SVIL: variants seen among roughly 807,000 people sequenced by gnomAD.
SVIL encodes the protein archvillin.
In SVIL, 101 loss-of-function variants were observed where a neutral mutation model predicts 240.4. That is an observed-to-expected ratio of 0.42 (90% CI 0.36 to 0.50). The LOEUF is 0.50. Among genes scored for constraint, SVIL ranks in the 20% least tolerant of loss-of-function variants. The pLI, the probability that SVIL is intolerant of heterozygous loss-of-function variation, is 0.01. For synonymous variants in SVIL, 999 were observed against 1,100.0 expected (o/e 0.91, Z 1.82); for missense variants, 2,512 against 2,818.7 (o/e 0.89, Z 2.46).
At chr10:29,538,079 C>A (rs1017308035) in intron 6 of SVIL, among the ~76,000 whole-genome samples, 17 of 152,166 alleles carry the variant, frequency 1.1e-4, no homozygotes, top group African/African-American at 4.1e-4. Context: ...CCAGCAGACG[C>A]CTGCTGTTGG....
At position 29,524,466 on chromosome 10, in the gene SVIL, A is replaced by G; in HGVS notation, c.2586+6T>C. 1.2e-6 allele frequency: 2 copies of G among 1,613,952 alleles called. No individual in the cohort carries two copies. Among genetic ancestry groups the G allele is most frequent in the Non-Finnish European group, 1.7e-6 (2 of 1,179,950 alleles). On this transcript the variant is annotated splice_donor_region_variant and intron_variant, in intron 14 of 37. Coordinates refer to ENST00000355867, the MANE Select transcript of SVIL (RefSeq NM_021738.3). ...ACAAACTGCAATCGGACTATAGCACACCCACCTGCTCCACCTCTCCCAGTG... is the reference window on the plus strand; with the variant it reads ...ACAAACTGCAATCGGACTATAGCACGCCCACCTGCTCCACCTCTCCCAGTG...
intron 1 of SVIL, among the ~76,000 whole-genome samples, chr10:29,706,581 A>T (rs983952806): frequency 3.3e-5 from 5 of 152,220 alleles, no homozygotes; most frequent in African/African-American, 1.2e-4. Context: ...GATTGCAAAA[A>T]GTTTCTCCCA....
intron 29 of SVIL, among the ~76,000 whole-genome samples, chr10:29,478,251 G>A (rs553035401): frequency 1.3e-5 from 2 of 152,310 alleles, no homozygotes; most frequent in South Asian, 4.1e-4. Context: ...GTAAGTCCAC[G>A]ACAGTGACTC....
intron 17 of SVIL, among the ~76,000 whole-genome samples, chr10:29,502,029 G>A (rs1330549527): frequency 1.3e-5 from 2 of 152,184 alleles, no homozygotes; most frequent in Non-Finnish European, 2.9e-5. Flanking sequence ...TTCCCTCAGA[G>A]CCCTTTATGC....
At chr10:29,461,341 C>G in intron 36 of SVIL, among the ~76,000 whole-genome samples, 1 of 152,130 alleles carries the variant, frequency 6.6e-6, no homozygotes, top group East Asian at 1.9e-4. Flanking sequence ...CGGCAGACAC[C>G]AAGCTGAAGT....
chr10:29,486,359 A>C (rs369110234), intron 25 of SVIL, 51 bp downstream of exon 25: 1,593 of 1,606,924 alleles, frequency 9.9e-4, no homozygotes, highest in Non-Finnish European at 1.2e-3. Flanking sequence ...GCTAAGGGAG[A>C]AGAAAGGAGA....
chr10:29,652,545 G>A (rs1215754809), intron 3 of SVIL, among the ~76,000 whole-genome samples: 2 of 152,164 alleles, frequency 1.3e-5, no homozygotes, highest in African/African-American at 2.4e-5. Context: ...TACAGGTATA[G>A]GTATATGTAT....
chr10:29,547,488 G>T (rs1033610316), intron 6 of SVIL, among the ~76,000 whole-genome samples: 1 of 152,194 alleles, frequency 6.6e-6, no homozygotes, highest in Middle Eastern at 3.4e-3. Flanking sequence ...TGAGGCTAAG[G>T]CTTGGCTTAT....
In SVIL at chr10:29,729,450, G is replaced by GGTGTGT. The variant is rs55940009; in HGVS notation, c.-400+6295_-400+6300dup. On this transcript the variant is annotated intron_variant, in intron 1 of 35. Coordinates refer to the SVIL transcript ENST00000375400. ...CATGCTGGGCCTCTGTGTTTATGGA[G>GGTGTGT]GTGTGTGTGTGTGTGTGTGTGTGTG... is the stretch of plus-strand genomic sequence containing the variant. Among the ~76,000 whole-genome samples, 544 of 136,766 alleles carry GGTGTGT rather than the reference G, an allele frequency of 4.0e-3. 3 individuals are homozygous for GGTGTGT. The highest frequency in any genetic ancestry group is 4.8e-3 in the Non-Finnish European group (311 of 64,484). 89.7% of individuals were successfully genotyped at this position (136,766 alleles called of 152,430 possible).
intron 1 of SVIL, among the ~76,000 whole-genome samples, chr10:29,605,523 G>A (rs1589371320): frequency 6.6e-6 from 1 of 151,780 alleles, no homozygotes; most frequent in Non-Finnish European, 1.5e-5. Context: ...TCCCTTTTTT[G>A]TGAGCTGTCT....
Position 29,515,654 on chromosome 10 carries a change from CT to C in SVIL, c.3390-2794del, listed in dbSNP as rs1386135265. ...GCAGCTACTCCTCCTGAACATCCAC[CT>C]TGTTAATCAGATTGGATTCAAATGA... On this transcript the variant is annotated intron_variant, in intron 16 of 37. Transcript: ENST00000355867. Among the ~76,000 whole-genome samples, 8 of 152,190 alleles carry C rather than the reference CT, an allele frequency of 5.3e-5. No individual in the cohort carries two copies. In the East Asian group the frequency reaches 1.5e-3, roughly 29 times the overall value.
At chr10:29,652,038 C>T (rs1010254843) in intron 3 of SVIL, among the ~76,000 whole-genome samples, 6 of 151,970 alleles carry the variant, frequency 3.9e-5, no homozygotes, top group Admixed American at 3.9e-4. Context: ...CACACACACA[C>T]CAGGCTTACT....
intron 1 of SVIL, among the ~76,000 whole-genome samples, chr10:29,717,306 A>C (rs1040771254): frequency 2.7e-5 from 4 of 146,284 alleles, no homozygotes; most frequent in African/African-American, 1.0e-4. Context: ...GATATCACAC[A>C]CTATATATGA....
At chr10:29,668,004 C>CA (rs1959462142) in intron 2 of SVIL, among the ~76,000 whole-genome samples, 2 of 152,166 alleles carry the variant, frequency 1.3e-5, no homozygotes, top group African/African-American at 4.8e-5. Flanking sequence ...TCATCTTCTA[C>CA]AAGGTTCTAC....
chr10:29,628,433 A>C (rs537416212), intron 1 of SVIL, among the ~76,000 whole-genome samples: 1 of 152,344 alleles, frequency 6.6e-6, no homozygotes, highest in South Asian at 2.1e-4. Context: ...TAAAAACCTA[A>C]AAATATCAAT....
chr10:29,465,977 AAAAAG>A (rs1226218063), intron 33 of SVIL, among the ~76,000 whole-genome samples: 4 of 138,028 alleles, frequency 2.9e-5, no homozygotes, highest in South Asian at 2.3e-4. Context: ...ATGCAAAATT[AAAAAG>A]AAAAGAAAAA....
intron 1 of SVIL, chr10:29,602,441 A>G (rs1956850577): frequency 3.1e-6 from 1 of 320,402 alleles, no homozygotes; most frequent in South Asian, 2.5e-5. Context: ...CAGAGGTATT[A>G]CATACACTCT....
At chr10:29,549,650 A>C (rs1589214496) in intron 6 of SVIL, among the ~76,000 whole-genome samples, 1 of 144,496 alleles carries the variant, frequency 6.9e-6, no homozygotes, top group Non-Finnish European at 1.5e-5. Context: ...AGACTGGATT[A>C]AGAAAATGTG....
chr10:29,612,216 G>A (rs1312000846), intron 1 of SVIL, among the ~76,000 whole-genome samples: 1 of 152,148 alleles, frequency 6.6e-6, no homozygotes, highest in Non-Finnish European at 1.5e-5. Context: ...CAGGGAATAG[G>A]AGGAGCATGG....
Sources: allele counts gnomAD v4.1 joint callset (sites outside exome capture counted in the v4.1 genomes callset), GRCh38; gene constraint gnomAD v4.1.1; transcripts MANE v1.5; gene names NCBI Gene and HGNC (gene_info 2026-07-23, HGNC 2026-07-21).